The following HOXC6 variants were observed in gnomAD, a reference collection of about 807,000 sequenced individuals.
HOXC6 encodes the protein homeobox protein Hox-C6.
A neutral mutation model predicts 24.0 loss-of-function variants in HOXC6; 10 were observed. That is an observed-to-expected ratio of 0.42 (90% confidence interval 0.26 to 0.71). The LOEUF is 0.71. HOXC6 is among the 30% of genes least tolerant of loss of function. HOXC6 has a pLI of 0.28. For missense variants in HOXC6, 258 were observed against 303.4 expected, an observed-to-expected ratio of 0.85 and a Z score of 1.11; for synonymous variants, 123 against 128.1, an observed-to-expected ratio of 0.96 and a Z score of 0.27.
rs1176606331 is a variant in HOXC6 at position 54,029,800 on chromosome 12, G to A, written c.546G>A (p.Glu182=). The change falls in exon 2 of 2, where the codon GAG becomes GAA. Residue 182 remains glutamate, a synonymous_variant. Coordinates refer to ENST00000243108, the MANE Select transcript of HOXC6 (RefSeq NM_004503.4). ...TCGCCAACGCGCTTTGCCTGACCGA[G>A]CGACAGATCAAAATCTGGTTCCAGA... ...IEIANALCLT[E]RQIKIWFQNR... is the part of the protein sequence containing the mutation. The A allele has an allele frequency of 2.5e-6, 4 of 1,614,064 alleles. No homozygotes were observed. Among genetic ancestry groups the A allele is most frequent in the Non-Finnish European group, 3.4e-6 (4 of 1,180,030 alleles).
upstream of HOXC6, among the ~76,000 whole-genome samples, chr12:54,026,931 A>T (rs1037935503): frequency 6.8e-6 from 1 of 147,568 alleles, no homozygotes; most frequent in South Asian, 2.1e-4. Context: ...TGTTATAGCC[A>T]GCTTTCCCCC....
At position 54,029,815 on chromosome 12, in the gene HOXC6, C is replaced by A. The variant is rs1411417999; in HGVS notation, c.561C>A (p.Ile187=). 1 of 1,613,970 alleles carries A rather than the reference C, an allele frequency of 6.2e-7. No homozygotes were observed. The highest frequency in any genetic ancestry group is 1.7e-5 in the Admixed American group (1 of 59,998). Residue 187 remains isoleucine (I), a synonymous_variant, in exon 2 of 2, where the codon ATC becomes ATA. Transcript: ENST00000243108. ...GCCTGACCGAGCGACAGATCAAAATCTGGTTCCAGAACCGCCGGATGAAGT... is the reference window on the plus strand; with the variant it reads ...GCCTGACCGAGCGACAGATCAAAATATGGTTCCAGAACCGCCGGATGAAGT... The part of the protein sequence containing the change: ...ALCLTERQIK[I]WFQNRRMKWK...
chr12:54,022,954 G>C (rs940883345), intron 1 of HOXC6, among the ~76,000 whole-genome samples: 1 of 152,192 alleles, frequency 6.6e-6, no homozygotes, highest in Non-Finnish European at 1.5e-5. Context: ...TTCCTCATGT[G>C]ACATCCTCTT....
chr12:54,023,566 TG>T (rs1163758027), upstream of HOXC6, among the ~76,000 whole-genome samples: 1 of 152,176 alleles, frequency 6.6e-6, no homozygotes, highest in African/African-American at 2.4e-5. Context: ...TGGAGGTGTT[TG>T]GGGGCAGTTC....
intron 1 of HOXC6, chr12:54,022,257 A>G (rs994983230): frequency 6.6e-6 from 1 of 152,274 alleles, no homozygotes; most frequent in Non-Finnish European, 1.5e-5. Flanking sequence ...TGGTGGATTC[A>G]TAAAGCTAGA....
rs1940942674 is a variant in HOXC6, at chr12:54,030,444, C to G, written c.*482C>G. On this transcript the variant is annotated 3_prime_UTR_variant, in exon 2 of 2. Transcript: ENST00000243108. Reference sequence around the variant, plus strand: ...CGCGCCTTGGCCCCACACCAACCCCCAGGGCCTCCCCGCAGTCCCTGCCTA... The same window carrying G: ...CGCGCCTTGGCCCCACACCAACCCCGAGGGCCTCCCCGCAGTCCCTGCCTA... The G allele has an allele frequency of 6.5e-6, 1 of 153,154 alleles. No individual in the cohort carries two copies. Among genetic ancestry groups the G allele is most frequent in the African/African-American group, 2.4e-5 (1 of 41,470 alleles). 9.5% of individuals were successfully genotyped at this position (153,154 alleles called of 1,614,324 possible).
chr12:54,022,252 G>C (rs932009835), intron 1 of HOXC6: 1 of 152,030 alleles, frequency 6.6e-6, no homozygotes, highest in Non-Finnish European at 1.5e-5. Flanking sequence ...AATGTTGGTG[G>C]ATTCATAAAG....
At chr12:54,022,451 TAA>T (rs1940493486) in intron 1 of HOXC6, 1 of 152,190 alleles carries the variant, frequency 6.6e-6, no homozygotes, top group Non-Finnish European at 1.5e-5. Context: ...CTATTAAATT[TAA>T]AAGAGTATCA....
rs148638675 is a variant in HOXC6, at chr12:54,029,865, C to T, written c.611C>T (p.Ser204Phe). ...MKWKKESNLTSTLSGGGGGAT... is the reference protein window; with the variant it reads ...MKWKKESNLTFTLSGGGGGAT... Reference sequence around the variant, plus strand: ...TGGAAAAAAGAATCTAATCTCACATCCACTCTCTCGGGGGGCGGCGGAGGG... The same window carrying T: ...TGGAAAAAAGAATCTAATCTCACATTCACTCTCTCGGGGGGCGGCGGAGGG... Residue 204 changes from serine (S) to phenylalanine (F), a missense_variant, in exon 2 of 2, where the codon TCC (serine) becomes TTC (phenylalanine). Physicochemically the swap from Ser to Phe is radical, Grantham distance 155. Coordinates refer to ENST00000243108, the MANE Select transcript of HOXC6 (RefSeq NM_004503.4). The T allele has an allele frequency of 2.0e-4, 320 of 1,613,628 alleles. No individual in the cohort carries two copies. The highest frequency in any genetic ancestry group is 2.5e-4 in the Non-Finnish European group (295 of 1,179,780).
chr12:54,027,796 G>A (rs1345181220), upstream of HOXC6, among the ~76,000 whole-genome samples: 1 of 152,142 alleles, frequency 6.6e-6, no homozygotes, highest in Non-Finnish European at 1.5e-5. Context: ...CTGAAGTCTT[G>A]CCCCTTTAGA....
At chr12:54,022,057 G>A (rs1592223458) in intron 1 of HOXC6, 1 of 152,222 alleles carries the variant, frequency 6.6e-6, no homozygotes, top group African/African-American at 2.4e-5. Flanking sequence ...CCCTGTGGTG[G>A]ACAGACTTCT....
upstream of HOXC6, among the ~76,000 whole-genome samples, chr12:54,025,674 G>T (rs563996173): frequency 6.6e-6 from 1 of 151,830 alleles, no homozygotes; most frequent in Non-Finnish European, 1.5e-5. Context: ...ATTATAAATC[G>T]GCGAGACCTT....
upstream of HOXC6, among the ~76,000 whole-genome samples, chr12:54,027,923 G>GA (rs1187612234): frequency 6.6e-6 from 1 of 151,746 alleles, no homozygotes; most frequent in Middle Eastern, 3.2e-3. Context: ...AATTATTGGT[G>GA]AAAAAAATAC....
upstream of HOXC6, among the ~76,000 whole-genome samples, chr12:54,027,316 A>G (rs1190328601): frequency 2.6e-5 from 4 of 152,202 alleles, no homozygotes; most frequent in African/African-American, 9.7e-5. Context: ...CTCATAGCTC[A>G]GGTCCAGGGG....
chr12:54,024,209 T>G (rs1364588368), upstream of HOXC6, among the ~76,000 whole-genome samples: 1 of 151,952 alleles, frequency 6.6e-6, no homozygotes, highest in Non-Finnish European at 1.5e-5. Context: ...GGGCAACCGT[T>G]CTTCTCTTGC....
chr12:54,021,534 G>C, intron 1 of HOXC6: 1 of 152,196 alleles, frequency 6.6e-6, no homozygotes, highest in African/African-American at 2.4e-5. Flanking sequence ...CCCCATAAAA[G>C]AAAGCAGGGA....
At chr12:54,019,177 A>AC (rs1162753397) in intron 1 of HOXC6, among the ~76,000 whole-genome samples, 23 of 55,096 alleles carry the variant, frequency 4.2e-4, no homozygotes, top group Admixed American at 3.6e-3. Flanking sequence ...CCCCTCCCCC[A>AC]CCCCCCCACC....
intron 1 of HOXC6, chr12:54,020,792 C>T (rs1467618256): frequency 6.6e-6 from 1 of 152,162 alleles, no homozygotes; most frequent in East Asian, 1.9e-4. Context: ...ATGCGGGTTC[C>T]AGTAACCAAT....
chr12:54,026,324 C>G (rs1158384534), upstream of HOXC6, among the ~76,000 whole-genome samples: 1 of 152,206 alleles, frequency 6.6e-6, no homozygotes, highest in Non-Finnish European at 1.5e-5. Flanking sequence ...CCTGAAGCCT[C>G]AGCCAGCTGT....
Sources: allele counts gnomAD v4.1 joint callset (sites outside exome capture counted in the v4.1 genomes callset), GRCh38; gene constraint gnomAD v4.1.1; transcripts MANE v1.5; gene names NCBI Gene and HGNC (gene_info 2026-07-23, HGNC 2026-07-21).